SAMSN1: variants seen among roughly 807,000 people sequenced by gnomAD.
The protein encoded by SAMSN1 is SAM domain-containing protein SAMSN-1.
SAMSN1 carries 31 observed loss-of-function variants against 42.0 expected under a neutral mutation model. That is an observed-to-expected ratio of 0.74 (90% CI 0.55 to 1.00). The LOEUF is 1.00. SAMSN1 is among the 50% of genes least tolerant of loss of function. SAMSN1 has a pLI of 0.00. For missense variants in SAMSN1, 464 were observed against 439.4 expected (o/e 1.06, Z -0.50); for synonymous variants, 178 against 151.9 (o/e 1.17, Z -1.26).
intron 7 of SAMSN1, among the ~76,000 whole-genome samples, chr21:14,495,263 G>A (rs138206137): frequency 6.5e-4 from 99 of 152,276 alleles, no homozygotes; most frequent in African/African-American, 2.3e-3. Context: ...CATGGTTGTA[G>A]GAGATATGAT....
At chr21:14,563,157 ATGTCATCATAACCTCC>A (rs11273945) in intron 2 of SAMSN1, among the ~76,000 whole-genome samples, 71,286 of 151,962 alleles carry the variant, frequency 0.47, 17,159 homozygotes, top group East Asian at 0.78. Flanking sequence ...ATATTCTGCA[ATGTCATCATAACCTCC>A]TGAGACACAA....
chr21:14,658,811 A>G (rs1288434231), exon 1 of SAMSN1: 1 of 714,978 alleles, frequency 1.4e-6, no homozygotes, highest in African/African-American at 1.8e-5. Flanking sequence ...GCTTTGAAAA[A>G]TATGATTGCC....
chr21:14,501,315 TAA>T (rs924439540), intron 5 of SAMSN1, among the ~76,000 whole-genome samples: 1 of 152,140 alleles, frequency 6.6e-6, no homozygotes, highest in African/African-American at 2.4e-5. Context: ...TTGCCTACTC[TAA>T]GTTATTTTTG....
chr21:14,629,173 C>G (rs567497312), intron 2 of SAMSN1, among the ~76,000 whole-genome samples: 1 of 152,276 alleles, frequency 6.6e-6, no homozygotes, highest in East Asian at 1.9e-4. Flanking sequence ...CCACATGTCA[C>G]TACTAAATAA....
At chr21:14,630,912 C>G (rs532271052) in intron 2 of SAMSN1, among the ~76,000 whole-genome samples, 25 of 152,142 alleles carry the variant, frequency 1.6e-4, no homozygotes, top group Non-Finnish European at 3.4e-4. Context: ...ATAGTTTAAG[C>G]CAAGTAAGAA....
intron 7 of SAMSN1, among the ~76,000 whole-genome samples, chr21:14,494,076 A>C (rs918701152): frequency 3.9e-5 from 6 of 152,210 alleles, no homozygotes; most frequent in African/African-American, 1.4e-4. Flanking sequence ...GCTGAAGAGG[A>C]TGTGGAGAAA....
rs1986381786 is a variant in SAMSN1, at chr21:14,485,230, C to A, written c.*682G>T. 2 of 152,090 alleles carry A rather than the reference C, an allele frequency of 1.3e-5. No homozygotes were observed. Among genetic ancestry groups the A allele is most frequent in the African/African-American group, 4.8e-5 (2 of 41,436 alleles). 9.4% of individuals were successfully genotyped at this position (152,090 alleles called of 1,614,324 possible). A position where few individuals can be genotyped will look rare whatever the true frequency, so the allele number is the denominator to read the frequency against. ...TTAAGTAACATTACTCTGGAAAATG[C>A]AATATGCAAATAGTTCTTTTTATTA... On this transcript the variant is annotated 3_prime_UTR_variant, in exon 8 of 8. Coordinates refer to ENST00000400566, the MANE Select transcript of SAMSN1 (RefSeq NM_022136.5).
rs372087620 is a variant in SAMSN1 at position 14,506,097 on chromosome 21, CCCTAAACA to C, written c.561+4205_561+4212del. On this transcript the variant is annotated intron_variant, in intron 5 of 7. Coordinates refer to ENST00000400566, the MANE Select transcript of SAMSN1 (RefSeq NM_022136.5). ...GGGGTGCTAAGGGGAAAGTGCATAG[CCCTAAACA>C]CCTACATCAAAAGGTCTGAAAGAGC... Among the ~76,000 whole-genome samples the C allele has an allele frequency of 4.9e-3, 749 of 152,118 alleles. 4 individuals are homozygous for C. The highest frequency in any genetic ancestry group is 0.017 in the African/African-American group (713 of 41,486).
chr21:14,598,005 G>T (rs896972173), intron 6 of SAMSN1: 2 of 152,124 alleles, frequency 1.3e-5, no homozygotes, highest in African/African-American at 4.8e-5. Flanking sequence ...AACTACTGGG[G>T]AGGCTGAGAA....
chr21:14,628,127 C>A (rs555411982), intron 2 of SAMSN1, among the ~76,000 whole-genome samples: 1 of 152,236 alleles, frequency 6.6e-6, no homozygotes, highest in East Asian at 1.9e-4. Context: ...CGATGAAACA[C>A]AACAGCATCC....
At chr21:14,614,620 C>T (rs1982788175) in intron 3 of SAMSN1, among the ~76,000 whole-genome samples, 1 of 152,288 alleles carries the variant, frequency 6.6e-6, no homozygotes, top group South Asian at 2.1e-4. Context: ...CCTTTTTAAG[C>T]TCAAAATTGT....
chr21:14,602,062 A>G, exon 6 of SAMSN1: 1 of 694,980 alleles, frequency 1.4e-6, no homozygotes. Flanking sequence ...CTTGATAGGT[A>G]TGTATGTTGT....
At chr21:14,605,943 G>T (rs1162293793) in intron 5 of SAMSN1, among the ~76,000 whole-genome samples, 2 of 151,722 alleles carry the variant, frequency 1.3e-5, no homozygotes, top group East Asian at 1.9e-4. Context: ...CCAGGTTCAC[G>T]CCATTCTCCT....
chr21:14,640,187 A>G (rs1015193005), intron 2 of SAMSN1, among the ~76,000 whole-genome samples: 2 of 152,168 alleles, frequency 1.3e-5, no homozygotes, highest in African/African-American at 2.4e-5. Context: ...TAAATAATAT[A>G]TTTCATAAGG....
intron 5 of SAMSN1, among the ~76,000 whole-genome samples, chr21:14,607,801 T>G (rs1324133330): frequency 6.6e-6 from 1 of 152,180 alleles, no homozygotes; most frequent in Non-Finnish European, 1.5e-5. Context: ...CTTGAAGAAA[T>G]TTATGGAAAA....
intron 2 of SAMSN1, among the ~76,000 whole-genome samples, chr21:14,562,038 A>T (rs1980962413): frequency 1.3e-5 from 2 of 152,250 alleles, no homozygotes; most frequent in South Asian, 4.1e-4. Flanking sequence ...TAAGCCACCC[A>T]GTTTGTATGA....
intron 5 of SAMSN1, among the ~76,000 whole-genome samples, chr21:14,604,533 T>C (rs950677808): frequency 6.6e-6 from 1 of 152,034 alleles, no homozygotes; most frequent in Non-Finnish European, 1.5e-5. Flanking sequence ...GGCAACAGAG[T>C]GAGGCCTTGT....
chr21:14,496,757 C>G (rs375148040), intron 7 of SAMSN1, among the ~76,000 whole-genome samples: 36 of 152,340 alleles, frequency 2.4e-4, no homozygotes, highest in African/African-American at 8.4e-4. Context: ...CCCAGCCTCA[C>G]AACTTCAAAG....
chr21:14,616,175 T>C (rs756499736), intron 2 of SAMSN1, among the ~76,000 whole-genome samples: 8 of 152,000 alleles, frequency 5.3e-5, no homozygotes, highest in Non-Finnish European at 8.8e-5. Flanking sequence ...ATGTCCCCTG[T>C]TGTATTTTAG....
Sources: gnomAD v4.1 joint callset for allele counts (sites outside exome capture counted in the v4.1 genomes callset) on GRCh38, gnomAD v4.1.1 for gene constraint, MANE v1.5 for transcripts, NCBI Gene and HGNC (gene_info 2026-07-23, HGNC 2026-07-21) for gene names.